ZNF227: variants seen among roughly 807,000 people sequenced by gnomAD.
ZNF227 encodes zinc finger protein 227.
ZNF227 carries 12 observed loss-of-function variants against 13.2 expected under a neutral mutation model. The observed-to-expected ratio is 0.91, with a 90% CI of 0.58 to 1.47. ZNF227 has a LOEUF of 1.47. Among genes scored for constraint, ZNF227 ranks in the 40% most tolerant of loss-of-function variants. The probability of loss-of-function intolerance (pLI) is 0.00; values close to 1 mark genes in which losing one functional copy is unlikely to be tolerated. For missense variants in ZNF227, 885 were observed against 967.5 expected, an observed-to-expected ratio of 0.91 and a Z score of 1.13; for synonymous variants, 338 against 326.0, an observed-to-expected ratio of 1.04 and a Z score of -0.40.
Position 44,236,153 on chromosome 19 carries a change from C to A in ZNF227, c.1723C>A (p.Pro575Thr), listed in dbSNP as rs1568620560. The part of the protein sequence containing the change: ...LHQVIHTGEK[P>T]YKCEECGKGF... ...CCAAGTAATTCACACTGGAGAAAAA[C>A]CATATAAATGTGAGGAATGTGGGAA... The change falls in exon 6 of 6, where the codon CCA becomes ACA. Residue 575 changes from proline to threonine, a missense_variant. By Grantham distance (38) the Pro-to-Thr change is conservative. Coordinates refer to ENST00000313040, the MANE Select transcript of ZNF227 (RefSeq NM_182490.3). 5.0e-6 allele frequency: 8 copies of A among 1,614,126 alleles called. No individual in the cohort carries two copies. The highest frequency in any genetic ancestry group is 5.9e-6 in the Non-Finnish European group (7 of 1,180,034).
At chr19:44,220,801 C>G (rs1256761719) in intron 3 of ZNF227, among the ~76,000 whole-genome samples, 1 of 151,998 alleles carries the variant, frequency 6.6e-6, no homozygotes, top group Non-Finnish European at 1.5e-5. Flanking sequence ...AATGCTATCC[C>G]TCCCGCCTCC....
chr19:44,209,136 T>TG (rs1386293958), upstream of ZNF227, among the ~76,000 whole-genome samples: 16 of 152,228 alleles, frequency 1.1e-4, no homozygotes, highest in Non-Finnish European at 2.9e-5. Context: ...ATTTATGCAT[T>TG]GGTGCCATAC....
At chr19:44,222,015 A>G (rs1416182304) in intron 3 of ZNF227, among the ~76,000 whole-genome samples, 1 of 152,226 alleles carries the variant, frequency 6.6e-6, no homozygotes, top group Non-Finnish European at 1.5e-5. Flanking sequence ...TTTATTAAAT[A>G]GGGAATCCTT....
At chr19:44,207,662 G>A (rs565129345), upstream of ZNF227, 1 of 152,558 alleles carries the variant, frequency 6.6e-6, no homozygotes, top group African/African-American at 2.4e-5. Context: ...GCCCTCGTCT[G>A]GAGGAAGGCT....
At chr19:44,210,158 G>C (rs1971305362), upstream of ZNF227, among the ~76,000 whole-genome samples, 1 of 152,214 alleles carries the variant, frequency 6.6e-6, no homozygotes, top group Admixed American at 6.5e-5. Flanking sequence ...CTTTTGGTGG[G>C]ATGCATTTGC....
chr19:44,235,255 A>G lies in ZNF227; in HGVS notation c.825A>G (p.Glu275=). Reference sequence around the variant, plus strand: ...TTCATCCGAATGTTCATACAGGAGAAAAATGCTTCAGTCAAAGCTCACATC... The same window carrying G: ...TTCATCCGAATGTTCATACAGGAGAGAAATGCTTCAGTCAAAGCTCACATC... ...LPLHPNVHTG[E]KCFSQSSHLR... is the part of the protein sequence containing the mutation. Residue 275 remains glutamate, a synonymous_variant, in exon 6 of 6, where the codon GAA becomes GAG. Transcript: ENST00000313040. 6.2e-7 allele frequency: 1 copy of G among 1,614,068 alleles called. No homozygotes were observed. The highest frequency in any genetic ancestry group is 1.1e-5 in the South Asian group (1 of 91,084).
At chr19:44,213,592 CTTTT>C (rs747001743) in intron 2 of ZNF227, 4 of 152,138 alleles carry the variant, frequency 2.6e-5, no homozygotes, top group African/African-American at 9.7e-5. Flanking sequence ...ACTGTGTGAT[CTTTT>C]TTGTTTGTTT....
intron 5 of ZNF227, among the ~76,000 whole-genome samples, chr19:44,230,926 A>AATATATATATATATATATATATAT (rs58952117): frequency 4.4e-5 from 3 of 68,132 alleles, no homozygotes; most frequent in African/African-American, 2.9e-4. Context: ...AAAAAAAAAA[A>AATATATATATATATATATATATAT]ATATATATAT....
chr19:44,233,121 T>C (rs928659928), intron 5 of ZNF227, among the ~76,000 whole-genome samples: 13 of 152,126 alleles, frequency 8.5e-5, no homozygotes, highest in African/African-American at 2.9e-4. Context: ...GTTTGTATTA[T>C]TAGAATGTAA....
rs759765692 is a variant in ZNF227 at position 44,235,712 on chromosome 19, A to C, written c.1282A>C (p.Arg428=). ...GGCTGCACATTTTCACATCCATCAGAGAGTCCACACTGGAGAGAAACCCTA... is the reference window on the plus strand; with the variant it reads ...GGCTGCACATTTTCACATCCATCAGCGAGTCCACACTGGAGAGAAACCCTA... ...TQAAHFHIHQ[R]VHTGEKPYKC... Residue 428 remains arginine (R), a synonymous_variant, in exon 6 of 6, where the codon AGA becomes CGA. Coordinates refer to ENST00000313040, the MANE Select transcript of ZNF227 (RefSeq NM_182490.3). 1 of 1,614,020 alleles carries C rather than the reference A, an allele frequency of 6.2e-7. No individual in the cohort carries two copies. The highest frequency in any genetic ancestry group is 1.3e-5 in the African/African-American group (1 of 74,914).
At position 44,235,232 on chromosome 19, in the gene ZNF227, C is replaced by T. The variant is rs1394687218; in HGVS notation, c.802C>T (p.His268Tyr). Residue 268 changes from histidine (H) to tyrosine (Y), a missense_variant, in exon 6 of 6, where the codon CAT becomes TAT. Transcript: ENST00000313040. ...GFSYSPRLPL[H>Y]PNVHTGEKCF... ...CAGTTATAGCCCAAGGCTTCCCCTT[C>T]ATCCGAATGTTCATACAGGAGAAAA... The T allele has an allele frequency of 1.2e-6, 2 of 1,614,114 alleles. No homozygotes were observed. The highest frequency in any genetic ancestry group is 1.1e-5 in the South Asian group (1 of 91,070).
At chr19:44,227,148 A>G (rs1387417295) in intron 3 of ZNF227, 1 of 152,230 alleles carries the variant, frequency 6.6e-6, no homozygotes, top group African/African-American at 2.4e-5. Flanking sequence ...GTTCGAGTTT[A>G]TTGAGCATGT....
rs149831526 is a variant in ZNF227 at position 44,235,559 on chromosome 19, G to C, written c.1129G>C (p.Glu377Gln). 230 of 1,614,070 alleles carry C rather than the reference G, an allele frequency of 1.4e-4. No homozygotes were observed. Among genetic ancestry groups the C allele is most frequent in the Non-Finnish European group, 1.8e-4 (215 of 1,180,038 alleles). ...FQCHQRVHTEEKPYKCEECGK... is the reference protein window; with the variant it reads ...FQCHQRVHTEQKPYKCEECGK... ...GTGCCATCAGAGAGTCCACACTGAA[G>C]AAAAACCATACAAATGCGAAGAGTG... The change falls in exon 6 of 6, where the codon GAA becomes CAA. Residue 377 changes from glutamate to glutamine, a missense_variant. Glu to Gln is a conservative substitution (Grantham distance 29). Transcript: ENST00000313040.
chr19:44,236,792 A>ACATAT lies in ZNF227; in HGVS notation c.2366_2370dup (p.Gln791IlefsTer31). 10 of 1,597,642 alleles carry ACATAT rather than the reference A, an allele frequency of 6.3e-6. No individual in the cohort carries two copies. The highest frequency in any genetic ancestry group is 7.7e-6 in the Non-Finnish European group (9 of 1,172,490). On this transcript the variant is annotated frameshift_variant, in exon 6 of 6. Coordinates refer to ENST00000313040, the MANE Select transcript of ZNF227 (RefSeq NM_182490.3). LOFTEE classifies it high-confidence loss of function. ...GGACTTCCGTCACCGTTCACGTCTT[A>ACATAT]CATATCATCAGAAAGTCCATACTGG...
intron 3 of ZNF227, among the ~76,000 whole-genome samples, chr19:44,225,562 C>T: frequency 6.6e-6 from 1 of 152,144 alleles, no homozygotes; most frequent in South Asian, 2.1e-4. Flanking sequence ...ATCGCATCGG[C>T]TCCTGAGGCT....
Position 44,229,829 on chromosome 19 carries a change from G to A in ZNF227, c.271+13G>A. 6.5e-7 allele frequency: 1 copy of A among 1,539,420 alleles called. No individual in the cohort carries two copies. Among genetic ancestry groups the A allele is most frequent in the South Asian group, 1.2e-5 (1 of 80,100 alleles). On this transcript the variant is annotated intron_variant, in intron 5 of 5. Transcript: ENST00000313040. ...GAAACCCAAAGAAGTAGGTATTCTG[G>A]TGAGAACCCTGTGTCTGTTCTTTCA...
At chr19:44,208,985 G>A (rs1180292966), upstream of ZNF227, among the ~76,000 whole-genome samples, 1 of 152,198 alleles carries the variant, frequency 6.6e-6, no homozygotes, top group Non-Finnish European at 1.5e-5. Context: ...TGAGGTGGGA[G>A]GATCGCTTGA....
intron 3 of ZNF227, among the ~76,000 whole-genome samples, chr19:44,218,385 T>G (rs1432532807): frequency 1.3e-5 from 2 of 152,208 alleles, no homozygotes; most frequent in East Asian, 1.9e-4. Context: ...AATTCAATAT[T>G]ATTTGTCCTT....
Position 44,235,104 on chromosome 19 carries a change from C to T in ZNF227, c.674C>T (p.Pro225Leu). 1.2e-6 allele frequency: 2 copies of T among 1,613,998 alleles called. No individual in the cohort carries two copies. Among genetic ancestry groups the T allele is most frequent in the Admixed American group, 1.7e-5 (1 of 60,002 alleles). ...ATTAAAACTGACACAGAACCAAAAC[C>T]CTGCAAAGGTAATGAATATGGCAAA... ...EHIKTDTEPK[P>L]CKGNEYGKII... is the part of the protein sequence containing the mutation. The change falls in exon 6 of 6, where the codon CCC becomes CTC. Residue 225 changes from proline to leucine, a missense_variant. Transcript: ENST00000313040.
Sources: allele counts gnomAD v4.1 joint callset (sites outside exome capture counted in the v4.1 genomes callset), GRCh38; gene constraint gnomAD v4.1.1; transcripts MANE v1.5; gene names NCBI Gene and HGNC (gene_info 2026-07-23, HGNC 2026-07-21).